Variants in SIRT6 observed in about 807,000 individuals in gnomAD.
The protein encoded by SIRT6 is NAD-dependent protein deacylase sirtuin-6.
Under a neutral mutation model 33.6 loss-of-function variants are expected in SIRT6, and 21 were observed. The observed-to-expected ratio is 0.62, with a 90% CI of 0.44 to 0.90. The LOEUF (loss-of-function observed/expected upper bound fraction) is 0.90. SIRT6 is among the 40% of genes least tolerant of loss of function. The pLI, the probability that SIRT6 is intolerant of heterozygous loss-of-function variation, is 0.00. For missense variants in SIRT6, 504 were observed against 510.6 expected (o/e 0.99, Z 0.12); for synonymous variants, 221 against 223.9 (o/e 0.99, Z 0.12).
Position 4,176,247 on chromosome 19 carries a change from T to C in SIRT6, c.438-310A>G, listed in dbSNP as rs529651640. Among the ~76,000 whole-genome samples, 651 of 152,346 alleles carry C rather than the reference T, an allele frequency of 4.3e-3. 3 individuals are homozygous for C. The highest frequency in any genetic ancestry group is 0.014 in the African/African-American group (601 of 41,592). ...GAGCATGGGGGCGACAGGCCGAGTC[T>C]GGATTCGGGATTAGAGAAGGCGATG... is the stretch of plus-strand genomic sequence containing the variant. On this transcript the variant is annotated intron_variant, in intron 4 of 7. Transcript: ENST00000337491.
intron 6 of SIRT6, 98 bp from the exon 7 acceptor site, chr19:4,175,249 A>C: frequency 1.4e-6 from 2 of 1,459,962 alleles, no homozygotes; most frequent in Non-Finnish European, 1.8e-6. Context: ...ATCTGTGCTC[A>C]CCGGGGCGGT....
intron 2 of SIRT6, 190 bp from the exon 3 acceptor site, chr19:4,179,476 T>G: frequency 1.6e-5 from 10 of 608,000 alleles, no homozygotes; most frequent in Non-Finnish European, 2.0e-5. Context: ...GAGAGGGGGA[T>G]AGAACAAGAC....
intron 3 of SIRT6, among the ~76,000 whole-genome samples, chr19:4,178,152 G>A (rs1001220975): frequency 2.0e-5 from 3 of 151,424 alleles, no homozygotes; most frequent in Non-Finnish European, 4.4e-5. Context: ...TCAGCCTCCC[G>A]AGTAGCTGGG....
Position 4,174,843 on chromosome 19 carries a change from A to C in SIRT6, c.842T>G (p.Val281Gly). ...CAGGGGTGGCAGCGCCCTCTCCAGCACACGGGGGCCGTCCCAGGCGGGGAT... is the reference window on the plus strand; with the variant it reads ...CAGGGGTGGCAGCGCCCTCTCCAGCCCACGGGGGCCGTCCCAGGCGGGGAT... The part of the protein sequence containing the change: ...LEIPAWDGPR[V>G]LERALPPLPR... Residue 281 changes from valine (V) to glycine (G), a missense_variant, in exon 8 of 8, where the codon GTG becomes GGG. Transcript: ENST00000337491. This position sits in a 1 kb window ranked among gnomAD's most constrained non-coding sequence, Gnocchi z 4.2. 6.3e-7 allele frequency: 1 copy of C among 1,593,502 alleles called. No homozygotes were observed. Among genetic ancestry groups the C allele is most frequent in the South Asian group, 1.1e-5 (1 of 89,828 alleles).
At chr19:4,180,428 G>A (rs950466024) in intron 2 of SIRT6, among the ~76,000 whole-genome samples, 2 of 152,084 alleles carry the variant, frequency 1.3e-5, no homozygotes, top group African/African-American at 4.8e-5. Context: ...CTGTCGCCCA[G>A]GCTGGAGTGC....
At chr19:4,176,574 G>A (rs1028770124) in intron 4 of SIRT6, among the ~76,000 whole-genome samples, 8 of 152,142 alleles carry the variant, frequency 5.3e-5, no homozygotes, top group Non-Finnish European at 8.8e-5. Flanking sequence ...GGATGACAGA[G>A]CGGGACTGTC....
intron 2 of SIRT6, among the ~76,000 whole-genome samples, chr19:4,179,692 G>C (rs1301008595): frequency 6.6e-6 from 1 of 152,216 alleles, no homozygotes; most frequent in Non-Finnish European, 1.5e-5. Context: ...TTGATCTTGG[G>C]GGAGACAGGT....
At chr19:4,175,978 T>G in intron 4 of SIRT6, 41 bp from the exon 5 acceptor site, 1 of 1,527,634 alleles carries the variant, frequency 6.5e-7, no homozygotes, top group South Asian at 1.2e-5. Flanking sequence ...CCAGGTGAGC[T>G]CCCATGGGTG....
intron 3 of SIRT6, among the ~76,000 whole-genome samples, chr19:4,177,944 C>T (rs979855984): frequency 2.6e-5 from 4 of 151,916 alleles, no homozygotes; most frequent in Admixed American, 2.0e-4. Context: ...GGGATGGTCT[C>T]GATCTCCTGA....
intron 6 of SIRT6, 105 bp from the exon 7 acceptor site, chr19:4,175,256 C>G: frequency 7.0e-7 from 1 of 1,429,124 alleles, no homozygotes; most frequent in Non-Finnish European, 9.3e-7. Flanking sequence ...CTCACCGGGG[C>G]GGTCAAGGCC....
chr19:4,179,071 A>AGCTCT, intron 3 of SIRT6, 33 bp downstream of exon 3: 1 of 1,607,128 alleles, frequency 6.2e-7, no homozygotes, highest in South Asian at 1.1e-5. Flanking sequence ...TGGGGCCCCA[A>AGCTCT]GCTCTTTTGT....
rs1320182154 is a variant in SIRT6, at chr19:4,176,972, A to C, written c.437+107T>G. The C allele has an allele frequency of 1.0e-5, 7 of 693,328 alleles. No individual in the cohort carries two copies. In the African/African-American group the frequency reaches 1.2e-4, roughly 11 times the overall value. 42.9% of individuals were successfully genotyped at this position (693,328 alleles called of 1,614,324 possible). A position where few individuals can be genotyped will look rare whatever the true frequency, so the allele number is the denominator to read the frequency against. On this transcript the variant is annotated intron_variant, in intron 4 of 7. Coordinates refer to ENST00000337491, the MANE Select transcript of SIRT6 (RefSeq NM_016539.4). ...AGACACGCCCCCAGATCCCCCCAGGAGGGCCACACCCCAGTCCCCCCATAC... is the reference window on the plus strand; with the variant it reads ...AGACACGCCCCCAGATCCCCCCAGGCGGGCCACACCCCAGTCCCCCCATAC...
chr19:4,178,708 G>T (rs1967448570), intron 3 of SIRT6, among the ~76,000 whole-genome samples: 1 of 152,144 alleles, frequency 6.6e-6, no homozygotes, highest in Admixed American at 6.5e-5. Context: ...AATTAGCTGG[G>T]TGTGATGGCG....
At position 4,178,095 on chromosome 19, in the gene SIRT6, C is replaced by T. The variant is rs545394300; in HGVS notation, c.378-957G>A. Among the ~76,000 whole-genome samples, 24 of 151,394 alleles carry T rather than the reference C, an allele frequency of 1.6e-4. No individual in the cohort carries two copies. The South Asian group carries it at 2.9e-3, about 18-fold the overall frequency. Reference sequence around the variant, plus strand: ...AAGCTGGAGTGCAGTGGCGCCATCTCGGCTCACTGCAACCTCTGCCTCCCG... The same window carrying T: ...AAGCTGGAGTGCAGTGGCGCCATCTTGGCTCACTGCAACCTCTGCCTCCCG... On this transcript the variant is annotated intron_variant, in intron 3 of 7. Coordinates refer to ENST00000337491, the MANE Select transcript of SIRT6 (RefSeq NM_016539.4).
rs189021294 is a variant in SIRT6 at position 4,178,463 on chromosome 19, G to A, written c.377+641C>T. On this transcript the variant is annotated intron_variant, in intron 3 of 7. Transcript: ENST00000337491. ...ACCTGGCAAAGAGGGGCAGGGGAGG[G>A]CCACACTTTTATTGGGAAATCAGCC... Among the ~76,000 whole-genome samples, 653 of 152,272 alleles carry A rather than the reference G, an allele frequency of 4.3e-3. 4 individuals are homozygous for A. Among genetic ancestry groups the A allele is most frequent in the African/African-American group, 0.015 (603 of 41,540 alleles).
chr19:4,182,558 A>C lies in SIRT6; in HGVS notation c.-19T>G, dbSNP rs201363938. Reference sequence around the variant, plus strand: ...CCGACATCCTCGACTGCCCCACGGGAACAATAAAGTTTCCCTTGTTGAGGC... The same window carrying C: ...CCGACATCCTCGACTGCCCCACGGGCACAATAAAGTTTCCCTTGTTGAGGC... On this transcript the variant is annotated 5_prime_UTR_variant, in exon 1 of 8. Coordinates refer to ENST00000337491, the MANE Select transcript of SIRT6 (RefSeq NM_016539.4). 7.5e-6 allele frequency: 12 copies of C among 1,605,960 alleles called. No homozygotes were observed. The highest frequency in any genetic ancestry group is 1.0e-5 in the Non-Finnish European group (12 of 1,176,976).
chr19:4,182,318 G>T (rs1368011568), intron 1 of SIRT6, 156 bp downstream of exon 1: 7 of 712,646 alleles, frequency 9.8e-6, no homozygotes, highest in African/African-American at 1.9e-5. Context: ...CCCCCGGCGC[G>T]CAGGGGCGTC....
At chr19:4,177,330 G>A (rs971164660) in intron 3 of SIRT6, among the ~76,000 whole-genome samples, 192 bp from the exon 4 acceptor site, 3 of 151,970 alleles carry the variant, frequency 2.0e-5, no homozygotes, top group Non-Finnish European at 4.4e-5. Flanking sequence ...CTCTGGGCAA[G>A]TGGACCAACC....
In SIRT6 at chr19:4,174,448, C is replaced by T. The variant is rs1967155312; in HGVS notation, c.*169G>A. The T allele has an allele frequency of 3.6e-6, 2 of 550,812 alleles. No homozygotes were observed. Among genetic ancestry groups the T allele is most frequent in the Admixed American group, 7.6e-5 (2 of 26,430 alleles). 34.1% of individuals were successfully genotyped at this position (550,812 alleles called of 1,614,324 possible). On this transcript the variant is annotated 3_prime_UTR_variant, in exon 8 of 8. Coordinates refer to ENST00000337491, the MANE Select transcript of SIRT6 (RefSeq NM_016539.4). The surrounding 1 kb of genome is among the most constrained non-coding windows in gnomAD (Gnocchi z 4.2). ...TTCTTCCCGGAACCGCACCAGAGGC[C>T]CCTGGAGCCCAGGGAGGGACCACGG...
Sources: allele counts gnomAD v4.1 joint callset (sites outside exome capture counted in the v4.1 genomes callset), GRCh38; gene constraint gnomAD v4.1.1; non-coding constraint Gnocchi (gnomAD v3.1); transcripts MANE v1.5; gene names NCBI Gene and HGNC (gene_info 2026-07-23, HGNC 2026-07-21).